The following FAT1 variants were observed in gnomAD, a reference collection of about 807,000 sequenced individuals.
FAT1 encodes FAT atypical cadherin 1.
Under a neutral mutation model 329.8 loss-of-function variants are expected in FAT1, and 171 were observed. The ratio of observed to expected loss-of-function variants is 0.52; its 90% CI spans 0.46 to 0.59. The LOEUF is 0.59. Ranked by LOEUF, FAT1 falls within the 20% of genes least tolerant of loss-of-function variation. The pLI is 0.00. For synonymous variants in FAT1, 2,233 were observed against 2,228.6 expected, an observed-to-expected ratio of 1.00 and a Z score of -0.06; for missense variants, 5,672 against 5,774.4, an observed-to-expected ratio of 0.98 and a Z score of 0.57.
At chr4:186,590,052 C>T (rs910732157) in intron 26 of FAT1, among the ~76,000 whole-genome samples, 1 of 152,046 alleles carries the variant, frequency 6.6e-6, no homozygotes, top group African/African-American at 2.4e-5. Flanking sequence ...CTCTGATACA[C>T]TGTAACAATC....
At chr4:186,635,284 C>A (rs1211238017) in intron 6 of FAT1, among the ~76,000 whole-genome samples, 8 of 143,938 alleles carry the variant, frequency 5.6e-5, no homozygotes. Context: ...CTTAAATACC[C>A]TTGTAACTAA....
intron 5 of FAT1, 24 bp from the exon 6 acceptor site, chr4:186,636,259 TTA>T: frequency 6.2e-7 from 1 of 1,604,656 alleles, no homozygotes; most frequent in Non-Finnish European, 8.5e-7. Context: ...GCAGAGGGGA[TTA>T]AAAACAGCAA....
At chr4:186,600,996 G>GC (rs1376718206) in intron 21 of FAT1, among the ~76,000 whole-genome samples, 2 of 152,190 alleles carry the variant, frequency 1.3e-5, no homozygotes, top group South Asian at 4.1e-4. Context: ...ACAGGCGTGA[G>GC]CCACCACACC....
rs2126448186 is a variant in FAT1, at chr4:186,606,172, G to C, written c.10248C>G (p.Gly3416=). ...TCGTCGTGTTGACTCTGGGTGGACT[G>C]CCATTATCAGAAGCTTGAACCGTGA... The part of the protein sequence containing the change: ...YTLTVQASDN[G]SPPRVNTTTV... Residue 3416 remains glycine (G), a synonymous_variant, in exon 17 of 27, where the codon GGC becomes GGG. Transcript: ENST00000441802. 2 of 1,612,680 alleles carry C rather than the reference G, an allele frequency of 1.2e-6. No individual in the cohort carries two copies. The highest frequency in any genetic ancestry group is 1.7e-6 in the Non-Finnish European group (2 of 1,179,632).
Position 186,588,288 on chromosome 4 carries a change from C to A in FAT1, c.*304G>T. ...AAAGAGACAGGAAAATTAAAATAAT[C>A]AAATCTATATAAATACATGAATCAT... On this transcript the variant is annotated 3_prime_UTR_variant, in exon 27 of 27. Coordinates refer to ENST00000441802, the MANE Select transcript of FAT1 (RefSeq NM_005245.4). The A allele has an allele frequency of 6.5e-6, 2 of 306,002 alleles. No individual in the cohort carries two copies. The highest frequency in any genetic ancestry group is 5.0e-5 in the East Asian group (1 of 20,118). 19.0% of individuals were successfully genotyped at this position (306,002 alleles called of 1,614,324 possible).
chr4:186,686,803 C>T (rs1743491242), intron 2 of FAT1, among the ~76,000 whole-genome samples: 1 of 152,140 alleles, frequency 6.6e-6, no homozygotes, highest in South Asian at 2.1e-4. Flanking sequence ...CACTACACTG[C>T]TGATTATACA....
intron 2 of FAT1, among the ~76,000 whole-genome samples, chr4:186,688,455 A>C (rs1478376890): frequency 6.6e-6 from 1 of 152,158 alleles, no homozygotes; most frequent in Non-Finnish European, 1.5e-5. Flanking sequence ...GGCTTCGGCA[A>C]ATCCCCTGCA....
intron 1 of FAT1, among the ~76,000 whole-genome samples, chr4:186,714,835 T>C (rs149425988): frequency 0.056 from 8,508 of 152,294 alleles, 771 homozygotes; most frequent in African/African-American, 0.19. Context: ...ATCCCAGCAC[T>C]TCGGGAGGCC....
intron 3 of FAT1, among the ~76,000 whole-genome samples, chr4:186,647,762 T>C (rs1265156813): frequency 6.6e-6 from 1 of 152,196 alleles, no homozygotes; most frequent in Non-Finnish European, 1.5e-5. Context: ...ACTGTAATCA[T>C]AGTATTTTTG....
intron 2 of FAT1, among the ~76,000 whole-genome samples, chr4:186,673,687 T>G (rs560627202): frequency 6.6e-6 from 1 of 152,376 alleles, no homozygotes; most frequent in African/African-American, 2.4e-5. Context: ...GGAAGCTTTC[T>G]GACTTGCAAA....
At position 186,620,501 on chromosome 4, in the gene FAT1, A is replaced by C. The variant is rs778538981; in HGVS notation, c.6085T>G (p.Ser2029Ala). 1 of 1,613,968 alleles carries C rather than the reference A, an allele frequency of 6.2e-7. No individual in the cohort carries two copies. Among genetic ancestry groups the C allele is most frequent in the Non-Finnish European group, 8.5e-7 (1 of 1,179,888 alleles). ...PDRRFKISRT[S>A]GVLSTTGTPF... ...GTGCCAGTGGTTGACAGAACTCCTG[A>C]AGTGCGGCTTATTTTAAATCTGCGA... The change falls in exon 10 of 27, where the codon TCA becomes GCA. Residue 2029 changes from serine (S) to alanine (A), a missense_variant. Transcript: ENST00000441802.
chr4:186,689,524 G>T (rs528910653), intron 2 of FAT1, among the ~76,000 whole-genome samples: 1 of 152,134 alleles, frequency 6.6e-6, no homozygotes, highest in East Asian at 1.9e-4. Context: ...GAGAGTCCAA[G>T]TCAAAAGACT....
intron 10 of FAT1, among the ~76,000 whole-genome samples, chr4:186,617,402 C>T (rs997378219): frequency 6.6e-6 from 1 of 152,214 alleles, no homozygotes; most frequent in South Asian, 2.1e-4. Flanking sequence ...AGCATTAAGA[C>T]TACTAATCAT....
rs1403177590 is a variant in FAT1, at chr4:186,590,399, AG to A, written c.13139-1180del. The A allele has an allele frequency of 7.8e-6, 10 of 1,289,638 alleles. No homozygotes were observed. In the East Asian group the frequency reaches 5.0e-4, roughly 64 times the overall value. 79.9% of individuals were successfully genotyped at this position (1,289,638 alleles called of 1,614,324 possible). On this transcript the variant is annotated intron_variant, in intron 26 of 26. Transcript: ENST00000441802. ...GTTTGCTGAGGTCAGGAGCAGCCAA[AG>A]ATTCTTTTGGTGGCAGAGTAGAAAA...
rs2126460311 is a variant in FAT1, at chr4:186,609,943, T to C, written c.9926A>G (p.Asp3309Gly). The change falls in exon 15 of 27, where the codon GAT becomes GGT. Residue 3309 changes from aspartate to glycine, a missense_variant. Coordinates refer to ENST00000441802, the MANE Select transcript of FAT1 (RefSeq NM_005245.4). ...HEYYLTVEATDGGTPSLSDVA... is the reference protein window; with the variant it reads ...HEYYLTVEATGGGTPSLSDVA... ...GTCGCTCAGTGAAGGCGTGCCTCCA[T>C]CAGTGGCCTCTACTGTTAGGTAATA... is the stretch of plus-strand genomic sequence containing the variant. 6.2e-7 allele frequency: 1 copy of C among 1,613,510 alleles called. No homozygotes were observed. The highest frequency in any genetic ancestry group is 8.5e-7 in the Non-Finnish European group (1 of 1,179,450).
intron 9 of FAT1, among the ~76,000 whole-genome samples, 184 bp from the exon 10 acceptor site, chr4:186,621,959 A>G (rs1740070414): frequency 1.3e-5 from 2 of 152,236 alleles, no homozygotes; most frequent in South Asian, 4.1e-4. Context: ...AAAACCAGGT[A>G]TACTTTACAG....
intron 2 of FAT1, among the ~76,000 whole-genome samples, chr4:186,697,208 T>C (rs2126668860): frequency 6.6e-6 from 1 of 152,290 alleles, no homozygotes; most frequent in Admixed American, 6.5e-5. Flanking sequence ...CCTAGAAAGC[T>C]GCTTAACTTA....
intron 11 of FAT1, among the ~76,000 whole-genome samples, 193 bp from the exon 12 acceptor site, chr4:186,614,537 G>A (rs540293343): frequency 6.6e-5 from 10 of 152,274 alleles, no homozygotes; most frequent in South Asian, 4.1e-4. Flanking sequence ...AGGAGGAGCC[G>A]TGGAGCAGCC....
At chr4:186,590,652 A>T (rs180908607) in intron 26 of FAT1, 20 of 456,302 alleles carry the variant, frequency 4.4e-5, no homozygotes, top group Middle Eastern at 3.3e-4. Context: ...TTGGCCAGAA[A>T]ACTCAAATAT....
Sources: allele counts gnomAD v4.1 joint callset (sites outside exome capture counted in the v4.1 genomes callset), GRCh38; gene constraint gnomAD v4.1.1; transcripts MANE v1.5; gene names NCBI Gene and HGNC (gene_info 2026-07-23, HGNC 2026-07-21).